The following RASGRF2 variants were observed in gnomAD, a reference collection of about 807,000 sequenced individuals.
RASGRF2 encodes the protein ras-specific guanine nucleotide-releasing factor 2.
In RASGRF2, 76 loss-of-function variants were observed where a neutral mutation model predicts 151.0. The ratio of observed to expected loss-of-function variants is 0.50; its 90% CI spans 0.42 to 0.61. The LOEUF (loss-of-function observed/expected upper bound fraction) is 0.61. Among genes scored for constraint, RASGRF2 ranks in the 20% least tolerant of loss-of-function variants. The probability of loss-of-function intolerance (pLI) is 0.00; values close to 1 mark genes in which losing one functional copy is unlikely to be tolerated. For missense variants in RASGRF2, 1,148 were observed against 1,564.6 expected, an observed-to-expected ratio of 0.73 and a Z score of 4.49; for synonymous variants, 504 against 566.5, an observed-to-expected ratio of 0.89 and a Z score of 1.57.
intron 1 of RASGRF2, among the ~76,000 whole-genome samples, chr5:80,995,913 G>A (rs546766954): frequency 2.6e-5 from 4 of 151,916 alleles, no homozygotes; most frequent in East Asian, 3.9e-4. Flanking sequence ...GGCTGGTCTC[G>A]AACTCCTGAC....
At chr5:81,219,605 G>C in intron 25 of RASGRF2, 105 bp from the exon 26 acceptor site, 2 of 885,154 alleles carry the variant, frequency 2.3e-6, no homozygotes, top group Non-Finnish European at 1.8e-6. Flanking sequence ...TGGAGGAAGG[G>C]ACTGACCCTT....
intron 1 of RASGRF2, among the ~76,000 whole-genome samples, chr5:80,970,052 T>C (rs1214038707): frequency 3.3e-5 from 5 of 150,764 alleles, no homozygotes; most frequent in African/African-American, 4.9e-5. Context: ...CTTGAACTCC[T>C]AACCTCAGGT....
intron 1 of RASGRF2, among the ~76,000 whole-genome samples, chr5:80,967,104 G>T (rs1327033540): frequency 6.6e-6 from 1 of 152,146 alleles, no homozygotes; most frequent in Non-Finnish European, 1.5e-5. Context: ...AATAAAATTT[G>T]TTGGCCGGGT....
At chr5:80,964,735 C>T (rs939610388) in intron 1 of RASGRF2, among the ~76,000 whole-genome samples, 3 of 152,070 alleles carry the variant, frequency 2.0e-5, no homozygotes, top group African/African-American at 4.8e-5. Context: ...TTGAGAAATA[C>T]GATTGCAGAC....
intron 17 of RASGRF2, among the ~76,000 whole-genome samples, chr5:81,163,651 ATGGG>A (rs1255679686): frequency 6.6e-6 from 1 of 152,190 alleles, no homozygotes; most frequent in Non-Finnish European, 1.5e-5. Context: ...TTATGTGCAT[ATGGG>A]TGTACATCAA....
At chr5:81,224,683 C>A (rs945486128) in intron 26 of RASGRF2, among the ~76,000 whole-genome samples, 1 of 152,194 alleles carries the variant, frequency 6.6e-6, no homozygotes, top group Admixed American at 6.5e-5. Flanking sequence ...TATATCTCTA[C>A]AATGGACTAC....
chr5:81,220,896 T>C (rs1755843345), intron 26 of RASGRF2, among the ~76,000 whole-genome samples: 1 of 152,226 alleles, frequency 6.6e-6, no homozygotes, highest in African/African-American at 2.4e-5. Flanking sequence ...TTCTTTAGGC[T>C]CCTCTTGGTT....
chr5:81,175,256 AATTGTTATT>A (rs1754748712), intron 17 of RASGRF2, among the ~76,000 whole-genome samples: 2 of 152,204 alleles, frequency 1.3e-5, no homozygotes, highest in Non-Finnish European at 2.9e-5. Context: ...GATGAATGGC[AATTGTTATT>A]ATTGCCTTGG....
At chr5:81,173,602 A>G (rs1464689586) in intron 17 of RASGRF2, among the ~76,000 whole-genome samples, 5 of 152,220 alleles carry the variant, frequency 3.3e-5, no homozygotes, top group African/African-American at 1.2e-4. Context: ...TGCACTGACC[A>G]GCTATTTTCA....
intron 1 of RASGRF2, chr5:81,019,332 GTGTTAC>G (rs1485898545): frequency 6.6e-6 from 1 of 152,256 alleles, no homozygotes; most frequent in Non-Finnish European, 1.5e-5. Context: ...CCAGGCTGCT[GTGTTAC>G]TGTTACTATG....
chr5:81,085,952 C>A lies in RASGRF2; in HGVS notation c.1271+41C>A, dbSNP rs375129326. The A allele has an allele frequency of 3.7e-6, 6 of 1,612,904 alleles. No individual in the cohort carries two copies. The African/African-American group carries it at 8.0e-5, about 22-fold the overall frequency. ...ATAACAAAGGCTTGGGAGAGGAAAG[C>A]AGCAAGTTAGTCTCTTGTGGAAACC... On this transcript the variant is annotated intron_variant, in intron 8 of 26. Coordinates refer to ENST00000265080, the MANE Select transcript of RASGRF2 (RefSeq NM_006909.3).
At chr5:81,177,035 G>T (rs1184858322) in intron 17 of RASGRF2, among the ~76,000 whole-genome samples, 3 of 152,060 alleles carry the variant, frequency 2.0e-5, no homozygotes, top group Admixed American at 6.6e-5. Context: ...TGAAGGTCCT[G>T]GGGCTTCTTC....
chr5:81,117,459 A>G (rs1328682737), intron 15 of RASGRF2, among the ~76,000 whole-genome samples: 1 of 152,178 alleles, frequency 6.6e-6, no homozygotes, highest in East Asian at 1.9e-4. Flanking sequence ...CAATAATGGC[A>G]TTAATCCATT....
At chr5:81,117,172 A>G (rs1753184061) in intron 15 of RASGRF2, among the ~76,000 whole-genome samples, 1 of 152,238 alleles carries the variant, frequency 6.6e-6, no homozygotes, top group African/African-American at 2.4e-5. Flanking sequence ...AGTAGAAATC[A>G]ATAGTTTTTT....
chr5:81,147,041 G>A (rs1754023523), intron 17 of RASGRF2, among the ~76,000 whole-genome samples: 1 of 152,112 alleles, frequency 6.6e-6, no homozygotes, highest in Admixed American at 6.5e-5. Flanking sequence ...TAGTTGAAAA[G>A]GTTAGATGAA....
At chr5:81,114,954 T>C (rs2112549183) in intron 15 of RASGRF2, 1 of 152,246 alleles carries the variant, frequency 6.6e-6, no homozygotes, top group African/African-American at 2.4e-5. Context: ...CGGTGTAGGG[T>C]TGGAAGAGGT....
At chr5:81,052,474 G>T (rs1024305172) in intron 2 of RASGRF2, among the ~76,000 whole-genome samples, 1 of 152,122 alleles carries the variant, frequency 6.6e-6, no homozygotes, top group Non-Finnish European at 1.5e-5. Flanking sequence ...GGGGTTTTTA[G>T]TCTTTAATTT....
At chr5:81,009,930 G>T (rs569329262) in intron 1 of RASGRF2, among the ~76,000 whole-genome samples, 1 of 152,180 alleles carries the variant, frequency 6.6e-6, no homozygotes, top group Admixed American at 6.5e-5. Context: ...AGGCAGAGGC[G>T]GGCGGATCAC....
chr5:81,145,560 C>T (rs1362656564), intron 17 of RASGRF2, among the ~76,000 whole-genome samples: 1 of 152,204 alleles, frequency 6.6e-6, no homozygotes, highest in Admixed American at 6.5e-5. Flanking sequence ...TCATCAAAAG[C>T]TTAGCACCTT....
Sources: gnomAD v4.1 joint callset for allele counts (sites outside exome capture counted in the v4.1 genomes callset) on GRCh38, gnomAD v4.1.1 for gene constraint, MANE v1.5 for transcripts, NCBI Gene and HGNC (gene_info 2026-07-23, HGNC 2026-07-21) for gene names.